ESYT1: variants seen among roughly 807,000 people sequenced by gnomAD.
The protein encoded by ESYT1 is extended synaptotagmin-1.
ESYT1 carries 116 observed loss-of-function variants against 154.2 expected under a neutral mutation model. The observed-to-expected ratio is 0.75, with a 90% CI of 0.65 to 0.88. The LOEUF is 0.88. Ranked by LOEUF, ESYT1 falls within the 40% of genes least tolerant of loss-of-function variation. The pLI is 0.00. For synonymous variants in ESYT1, 500 were observed against 539.9 expected (o/e 0.93, Z 1.02); for missense variants, 1,264 against 1,379.3 (o/e 0.92, Z 1.32).
intron 16 of ESYT1, 103 bp downstream of exon 16, chr12:56,136,996 C>A: frequency 7.1e-7 from 1 of 1,415,904 alleles, no homozygotes; most frequent in Admixed American, 2.3e-5. Flanking sequence ...AGAGCTAATA[C>A]ATGTAGAAGT....
chr12:56,142,427 T>A lies in ESYT1; in HGVS notation c.2733+2T>A. 6.2e-7 allele frequency: 1 copy of A among 1,609,924 alleles called. No homozygotes were observed. Among genetic ancestry groups the A allele is most frequent in the Non-Finnish European group, 8.5e-7 (1 of 1,177,302 alleles). ...GTGCTACTGAGAGCACAGCTAGGGG[T>A]GAGTGACAGGAGATGGTGGGCAGGA... is the stretch of plus-strand genomic sequence containing the variant. On this transcript the variant is annotated splice_donor_variant, in intron 25 of 30. Coordinates refer to ENST00000394048, the MANE Select transcript of ESYT1 (RefSeq NM_015292.3). LOFTEE classifies it high-confidence loss of function. The surrounding 1 kb of genome is among the most constrained non-coding windows in gnomAD (Gnocchi z 4.1).
chr12:56,134,488 A>G, intron 15 of ESYT1, 60 bp downstream of exon 15: 4 of 1,387,908 alleles, frequency 2.9e-6, no homozygotes, highest in Non-Finnish European at 4.1e-6. Flanking sequence ...CCAGATCTGT[A>G]CCATTTCTCC....
chr12:56,133,865 G>A lies in ESYT1; in HGVS notation c.1465G>A (p.Asp489Asn), dbSNP rs746021986. 3 of 1,614,050 alleles carry A rather than the reference G, an allele frequency of 1.9e-6. No homozygotes were observed. The highest frequency in any genetic ancestry group is 1.7e-5 in the Admixed American group (1 of 60,002). Residue 489 changes from aspartate to asparagine, a missense_variant, in exon 13 of 31, where the codon GAT becomes AAT. Physicochemically the swap from Asp to Asn is conservative, Grantham distance 23. Coordinates refer to ENST00000394048, the MANE Select transcript of ESYT1 (RefSeq NM_015292.3). ...ILVVYLDRAQ[D>N]LPLKKGNKEP... Reference sequence around the variant, plus strand: ...AGTTGTCTACCTGGATCGGGCCCAGGATCTTCCTGTGAGTTTGGCTGGGTG... The same window carrying A: ...AGTTGTCTACCTGGATCGGGCCCAGAATCTTCCTGTGAGTTTGGCTGGGTG...
chr12:56,131,754 A>G lies in ESYT1; in HGVS notation c.810A>G (p.Leu270=). 1 of 1,614,176 alleles carries G rather than the reference A, an allele frequency of 6.2e-7. No individual in the cohort carries two copies. Residue 270 remains leucine, a synonymous_variant, in exon 7 of 31, where the codon CTA becomes CTG. Transcript: ENST00000394048. ...VSMFFIRRPT[L]DINWTGMTNL... is the part of the protein sequence containing the mutation. ...CCCCTGCTCTTTCCCTCCAGACCCT[A>G]GACATCAACTGGACAGGGATGACCA... is the stretch of plus-strand genomic sequence containing the variant.
intron 7 of ESYT1, 81 bp from the exon 8 acceptor site, chr12:56,132,128 T>A (rs1870259530): frequency 1.2e-6 from 2 of 1,604,764 alleles, no homozygotes; most frequent in South Asian, 2.2e-5. Context: ...TAGGTCTCTC[T>A]TGGGTGTGGG....
chr12:56,137,124 C>G, intron 16 of ESYT1, 94 bp from the exon 17 acceptor site: 1 of 1,506,820 alleles, frequency 6.6e-7, no homozygotes, highest in South Asian at 1.2e-5. Context: ...ACCTAGTTCC[C>G]CTGTCACAGC....
rs757215353 is a variant in ESYT1, at chr12:56,137,958, T to C, written c.2198+44T>C. ...ACGTGAAAAACAGGCTGGGGCTCTT[T>C]AGGCCATGGAGTCTGGCCTCCTTGG... On this transcript the variant is annotated intron_variant, in intron 19 of 30. Transcript: ENST00000394048. The C allele has an allele frequency of 4.2e-5, 67 of 1,613,116 alleles. No individual in the cohort carries two copies. In the South Asian group the frequency reaches 6.9e-4, roughly 17 times the overall value.
chr12:56,142,428 G>A lies in ESYT1; in HGVS notation c.2733+3G>A, dbSNP rs1473911749. 1 of 1,611,458 alleles carries A rather than the reference G, an allele frequency of 6.2e-7. No individual in the cohort carries two copies. The highest frequency in any genetic ancestry group is 1.7e-5 in the Admixed American group (1 of 59,854). On this transcript the variant is annotated splice_donor_region_variant and intron_variant, in intron 25 of 30. Coordinates refer to ENST00000394048, the MANE Select transcript of ESYT1 (RefSeq NM_015292.3). The surrounding 1 kb of genome is among the most constrained non-coding windows in gnomAD (Gnocchi z 4.1). Reference sequence around the variant, plus strand: ...TGCTACTGAGAGCACAGCTAGGGGTGAGTGACAGGAGATGGTGGGCAGGAT... The same window carrying A: ...TGCTACTGAGAGCACAGCTAGGGGTAAGTGACAGGAGATGGTGGGCAGGAT...
chr12:56,137,678 C>A lies in ESYT1; in HGVS notation c.2115+3C>A. The A allele has an allele frequency of 6.2e-7, 1 of 1,613,358 alleles. No individual in the cohort carries two copies. The highest frequency in any genetic ancestry group is 1.1e-5 in the South Asian group (1 of 90,948). On this transcript the variant is annotated splice_donor_region_variant and intron_variant, in intron 18 of 30. Coordinates refer to ENST00000394048, the MANE Select transcript of ESYT1 (RefSeq NM_015292.3). ...CCCGCTGGAATGAGGTTTTTGAGGT[C>A]AGAATTGAGTGGCTGTGACTCCTGG...
rs748540415 is a variant in ESYT1 at position 56,133,570 on chromosome 12, C to T, written c.1294-18C>T. The T allele has an allele frequency of 1.2e-6, 2 of 1,613,856 alleles. No homozygotes were observed. The highest frequency in any genetic ancestry group is 2.2e-5 in the South Asian group (2 of 91,070). ...TTGAGCAGGTATCTGATCTCTACTACATCTCAATTTCTTCTAGTGGTTCCC... is the reference window on the plus strand; with the variant it reads ...TTGAGCAGGTATCTGATCTCTACTATATCTCAATTTCTTCTAGTGGTTCCC... On this transcript the variant is annotated intron_variant, in intron 11 of 30. Transcript: ENST00000394048.
chr12:56,141,996 G>A (rs975995563), intron 24 of ESYT1, among the ~76,000 whole-genome samples: 14 of 151,854 alleles, frequency 9.2e-5, no homozygotes, highest in African/African-American at 3.4e-4. Context: ...TACTCAGGAG[G>A]TTGAGGCAGG....
At chr12:56,134,588 G>A (rs1479049742) in intron 15 of ESYT1, among the ~76,000 whole-genome samples, 160 bp downstream of exon 15, 6 of 151,088 alleles carry the variant, frequency 4.0e-5, no homozygotes, top group South Asian at 2.1e-4. Flanking sequence ...CCCAACTGTC[G>A]CTCCAGAATA....
chr12:56,142,534 GA>G lies in ESYT1; in HGVS notation c.2734-42del. 6.2e-7 allele frequency: 1 copy of G among 1,613,616 alleles called. No individual in the cohort carries two copies. Among genetic ancestry groups the G allele is most frequent in the Non-Finnish European group, 8.5e-7 (1 of 1,179,740 alleles). ...AGAGGGCCGTGTCCTTAGAGTGAGG[GA>G]ACTGAGAGAACTCTGCCCAGCTCAC... is the stretch of plus-strand genomic sequence containing the variant. On this transcript the variant is annotated intron_variant, in intron 25 of 30. Transcript: ENST00000394048. The surrounding 1 kb of genome is among the most constrained non-coding windows in gnomAD (Gnocchi z 4.1).
intron 1 of ESYT1, 48 bp from the exon 2 acceptor site, chr12:56,130,534 A>G: frequency 1.2e-6 from 2 of 1,611,166 alleles, no homozygotes; most frequent in Non-Finnish European, 1.7e-6. Flanking sequence ...AGGAAACCAG[A>G]GGCGAGGGTG....
rs1870835406 is a variant in ESYT1 at position 56,144,322 on chromosome 12, T to TG, written c.*461dup. Reference sequence around the variant, plus strand: ...TCCAGCTGTGAGCCTCTTAGACTACTGCATGTAGCAAATGTTCAGCAGCTC... The same window carrying TG: ...TCCAGCTGTGAGCCTCTTAGACTACTGGCATGTAGCAAATGTTCAGCAGCTC... On this transcript the variant is annotated 3_prime_UTR_variant, in exon 31 of 31. Coordinates refer to ENST00000394048, the MANE Select transcript of ESYT1 (RefSeq NM_015292.3). 9.8e-7 allele frequency: 1 copy of TG among 1,021,100 alleles called. No individual in the cohort carries two copies. The highest frequency in any genetic ancestry group is 5.1e-5 in the Admixed American group (1 of 19,624). 63.3% of individuals were successfully genotyped at this position (1,021,100 alleles called of 1,614,324 possible). A position where few individuals can be genotyped will look rare whatever the true frequency, so the allele number is the denominator to read the frequency against.
Position 56,128,490 on chromosome 12 carries a change from A to T in ESYT1, c.171A>T (p.Ser57=), listed in dbSNP as rs765448976. The change falls in exon 1 of 31, where the codon TCA becomes TCT. Residue 57 remains serine, a synonymous_variant. Coordinates refer to ENST00000394048, the MANE Select transcript of ESYT1 (RefSeq NM_015292.3). The stretch of plus-strand genomic sequence containing the variant: ...GTGAGGCCCTGGCGGTGCTGACTTC[A>T]TTCGGGAGGCGGTTGCTGGTGCTGA... ...AAGEALAVLT[S]FGRRLLVLIP... The T allele has an allele frequency of 1.2e-5, 19 of 1,611,284 alleles. No homozygotes were observed. The highest frequency in any genetic ancestry group is 5.9e-6 in the Non-Finnish European group (7 of 1,178,812).
chr12:56,143,302 T>G lies in ESYT1; in HGVS notation c.3194T>G (p.Phe1065Cys). The change falls in exon 29 of 31, where the codon TTC becomes TGC. Residue 1065 changes from phenylalanine to cysteine, a missense_variant. By Grantham distance (205) the Phe-to-Cys change is radical (BLOSUM62 -2). Transcript: ENST00000394048. The stretch of plus-strand genomic sequence containing the variant: ...GTCTCTGTCAAGTCTAATTCCTCCT[T>G]CATGTCAAGAGAGCGTGAGCTGCTG... ...LDVSVKSNSS[F>C]MSRERELLGK... 1.2e-6 allele frequency: 2 copies of G among 1,614,054 alleles called. No individual in the cohort carries two copies. Among genetic ancestry groups the G allele is most frequent in the Non-Finnish European group, 8.5e-7 (1 of 1,180,006 alleles).
chr12:56,131,016 T>C, intron 3 of ESYT1, 24 bp from the exon 4 acceptor site: 1 of 1,614,180 alleles, frequency 6.2e-7, no homozygotes, highest in Middle Eastern at 1.6e-4. Flanking sequence ...CCCTGCCCTC[T>C]CTCAGGAATT....
chr12:56,134,016 T>C (rs1870347696), intron 13 of ESYT1, 94 bp from the exon 14 acceptor site: 1 of 1,559,380 alleles, frequency 6.4e-7, no homozygotes, highest in Non-Finnish European at 8.8e-7. Context: ...CAGATCCATC[T>C]CAGGGAAAGG....
Sources: allele counts gnomAD v4.1 joint callset (sites outside exome capture counted in the v4.1 genomes callset), GRCh38; gene constraint gnomAD v4.1.1; non-coding constraint Gnocchi (gnomAD v3.1); transcripts MANE v1.5; gene names NCBI Gene and HGNC (gene_info 2026-07-23, HGNC 2026-07-21).